The following PLXNA2 variants were observed in gnomAD, a reference collection of about 807,000 sequenced individuals.
PLXNA2 encodes plexin-A2.
In PLXNA2, 91 loss-of-function variants were observed where a neutral mutation model predicts 193.5. That is an observed-to-expected ratio of 0.47 (90% CI 0.40 to 0.56). The LOEUF (loss-of-function observed/expected upper bound fraction) is 0.56. Ranked by LOEUF, PLXNA2 falls within the 20% of genes least tolerant of loss-of-function variation. The pLI is 0.00. For missense variants in PLXNA2, 1,995 were observed against 2,503.2 expected (o/e 0.80, Z 4.33); for synonymous variants, 997 against 1,027.3 (o/e 0.97, Z 0.56).
intron 3 of PLXNA2, among the ~76,000 whole-genome samples, chr1:208,185,719 G>GAAAAAAAA (rs3991419): frequency 1.1e-4 from 12 of 105,522 alleles, no homozygotes; most frequent in South Asian, 2.9e-4. Context: ...AAAAAAAAAA[G>GAAAAAAAA]GAAAAAAAAA....
chr1:208,065,163 T>C (rs1665750028), intron 12 of PLXNA2, among the ~76,000 whole-genome samples: 2 of 152,278 alleles, frequency 1.3e-5, no homozygotes, highest in Non-Finnish European at 2.9e-5. Context: ...GGTGGAGTCA[T>C]ACAGAGTGCC....
At chr1:208,242,982 T>C (rs1243979751) in intron 1 of PLXNA2, among the ~76,000 whole-genome samples, 2 of 152,132 alleles carry the variant, frequency 1.3e-5, no homozygotes. Context: ...CCAGCACTCC[T>C]GTGGTGCTCA....
chr1:208,153,024 C>A (rs537921206), intron 3 of PLXNA2, among the ~76,000 whole-genome samples: 10 of 152,218 alleles, frequency 6.6e-5, no homozygotes, highest in Admixed American at 6.5e-4. Context: ...GATATTCAGG[C>A]TCCTGGAGAA....
intron 3 of PLXNA2, among the ~76,000 whole-genome samples, chr1:208,188,759 C>G (rs1299073944): frequency 2.0e-5 from 3 of 151,730 alleles, no homozygotes; most frequent in Non-Finnish European, 4.4e-5. Flanking sequence ...CCCAACCTCT[C>G]AAGCTGCTAT....
intron 4 of PLXNA2, among the ~76,000 whole-genome samples, chr1:208,134,154 T>G (rs563342281): frequency 6.6e-6 from 1 of 152,274 alleles, no homozygotes; most frequent in South Asian, 2.1e-4. Flanking sequence ...TGGAGTTTTC[T>G]CTCTTAAATA....
rs1380893445 is a variant in PLXNA2 at position 208,051,039 on chromosome 1, T to G, written c.3225A>C (p.Arg1075=). ...CAGATTCTTTGCCATTGAATTTGACTCGGATCCTTGGCTCCTGAATGACAT... is the reference window on the plus strand; with the variant it reads ...CAGATTCTTTGCCATTGAATTTGACGCGGATCCTTGGCTCCTGAATGACAT... ...NLDVIQEPRI[R]VKFNGKESVN... is the part of the protein sequence containing the mutation. Residue 1075 remains arginine (R), a synonymous_variant, in exon 17 of 32, where the codon CGA becomes CGC. Coordinates refer to ENST00000367033, the MANE Select transcript of PLXNA2 (RefSeq NM_025179.4). 6.2e-7 allele frequency: 1 copy of G among 1,614,064 alleles called. No homozygotes were observed. Among genetic ancestry groups the G allele is most frequent in the East Asian group, 2.2e-5 (1 of 44,882 alleles).
chr1:208,229,899 G>C (rs771369861), intron 1 of PLXNA2, among the ~76,000 whole-genome samples: 2 of 152,206 alleles, frequency 1.3e-5, no homozygotes, highest in Non-Finnish European at 2.9e-5. Flanking sequence ...GGTCAAACTC[G>C]CAGCGCTGGA....
chr1:208,040,167 G>A (rs563227068), intron 22 of PLXNA2, 109 bp from the exon 23 acceptor site: 49 of 862,654 alleles, frequency 5.7e-5, no homozygotes, highest in African/African-American at 5.0e-4. Context: ...ATGGGAGAAC[G>A]CAGGGCGGGA....
intron 8 of PLXNA2, among the ~76,000 whole-genome samples, chr1:208,094,389 G>A: frequency 6.6e-6 from 1 of 151,958 alleles, no homozygotes; most frequent in Middle Eastern, 3.2e-3. Flanking sequence ...GGCAAGAGAG[G>A]CAGTGTTTGG....
intron 3 of PLXNA2, among the ~76,000 whole-genome samples, chr1:208,184,969 A>C (rs1181884630): frequency 6.6e-6 from 1 of 152,198 alleles, no homozygotes; most frequent in Non-Finnish European, 1.5e-5. Flanking sequence ...AGGTGGAAGC[A>C]AAAATGAATT....
intron 3 of PLXNA2, among the ~76,000 whole-genome samples, chr1:208,160,742 C>T (rs2102513723): frequency 1.3e-5 from 2 of 152,356 alleles, no homozygotes; most frequent in Admixed American, 1.3e-4. Flanking sequence ...ACAAATGCAA[C>T]ACAGATCATG....
At chr1:208,061,796 GT>G (rs1268222820) in intron 12 of PLXNA2, among the ~76,000 whole-genome samples, 1 of 152,172 alleles carries the variant, frequency 6.6e-6, no homozygotes, top group Non-Finnish European at 1.5e-5. Context: ...ATCCCAGTGA[GT>G]AAGTTCACAC....
intron 4 of PLXNA2, among the ~76,000 whole-genome samples, chr1:208,139,838 G>A (rs1668411683): frequency 6.6e-6 from 1 of 152,184 alleles, no homozygotes; most frequent in Non-Finnish European, 1.5e-5. Context: ...CTCCTGAGCT[G>A]TTCTTGGCTT....
chr1:208,094,543 T>G (rs1253672804), intron 8 of PLXNA2, among the ~76,000 whole-genome samples: 2 of 152,204 alleles, frequency 1.3e-5, no homozygotes, highest in Admixed American at 1.3e-4. Context: ...GAGATAAGAT[T>G]GCTCTCACAA....
chr1:208,135,328 T>A (rs1052685956), intron 4 of PLXNA2, among the ~76,000 whole-genome samples: 1 of 152,188 alleles, frequency 6.6e-6, no homozygotes, highest in Non-Finnish European at 1.5e-5. Context: ...CTGTAATCCA[T>A]GGGGATGAGG....
At chr1:208,192,175 C>A (rs1377274567) in intron 3 of PLXNA2, among the ~76,000 whole-genome samples, 1 of 152,134 alleles carries the variant, frequency 6.6e-6, no homozygotes, top group Non-Finnish European at 1.5e-5. Flanking sequence ...ACCTTCGAGT[C>A]CACTCTTTCC....
intron 3 of PLXNA2, chr1:208,209,923 G>A: frequency 4.3e-6 from 1 of 232,584 alleles, no homozygotes; most frequent in Non-Finnish European, 8.3e-6. Context: ...TTGCGATTTT[G>A]GAGATTTATA....
chr1:208,068,694 G>A (rs1185843249), intron 12 of PLXNA2, among the ~76,000 whole-genome samples: 1 of 152,180 alleles, frequency 6.6e-6, no homozygotes, highest in Non-Finnish European at 1.5e-5. Context: ...TGTCACACAC[G>A]CCATTAACCA....
chr1:208,178,669 A>G (rs1196994830), intron 3 of PLXNA2, among the ~76,000 whole-genome samples: 3 of 152,210 alleles, frequency 2.0e-5, no homozygotes, highest in African/African-American at 2.4e-5. Flanking sequence ...ATGAGGGACA[A>G]TGTAAACACC....
Sources: gnomAD v4.1 joint callset for allele counts (sites outside exome capture counted in the v4.1 genomes callset) on GRCh38, gnomAD v4.1.1 for gene constraint, MANE v1.5 for transcripts, NCBI Gene and HGNC (gene_info 2026-07-23, HGNC 2026-07-21) for gene names.